The following CPQ variants were observed in gnomAD, a reference collection of about 807,000 sequenced individuals.
CPQ encodes carboxypeptidase Q, also known as Ser-Met dipeptidase.
CPQ carries 37 observed loss-of-function variants against 45.7 expected under a neutral mutation model. That is an observed-to-expected ratio of 0.81 (90% confidence interval 0.62 to 1.07). CPQ has a LOEUF of 1.07. Among genes scored for constraint, CPQ ranks in the 50% least tolerant of loss-of-function variants. The pLI is 0.00. For synonymous variants in CPQ, 186 were observed against 205.8 expected, an observed-to-expected ratio of 0.90 and a Z score of 0.82; for missense variants, 537 against 572.9, an observed-to-expected ratio of 0.94 and a Z score of 0.64.
chr8:96,891,272 A>G (rs1812371526), intron 4 of CPQ, among the ~76,000 whole-genome samples: 1 of 152,188 alleles, frequency 6.6e-6, no homozygotes, highest in African/African-American at 2.4e-5. Flanking sequence ...CCATATGTCT[A>G]TTCCGGTGCA....
intron 5 of CPQ, among the ~76,000 whole-genome samples, chr8:97,023,051 CTG>C (rs1299820362): frequency 1.3e-3 from 61 of 46,826 alleles, no homozygotes; most frequent in Admixed American, 2.2e-3. Flanking sequence ...AGTATATATA[CTG>C]TATATATAGA....
intron 7 of CPQ, among the ~76,000 whole-genome samples, chr8:97,121,192 G>A (rs949501355): frequency 6.6e-6 from 1 of 152,200 alleles, no homozygotes; most frequent in African/African-American, 2.4e-5. Flanking sequence ...CATAACATGT[G>A]TTCTACCTTC....
chr8:96,982,700 G>A (rs1460570915), intron 5 of CPQ, among the ~76,000 whole-genome samples: 1 of 152,106 alleles, frequency 6.6e-6, no homozygotes, highest in African/African-American at 2.4e-5. Context: ...CAGATTTTAG[G>A]ATGAACTAAT....
chr8:97,090,765 C>T (rs1292790671), intron 7 of CPQ, among the ~76,000 whole-genome samples: 1 of 152,166 alleles, frequency 6.6e-6, no homozygotes, highest in Non-Finnish European at 1.5e-5. Context: ...GCAGCAGGAG[C>T]TGAGTGGGGG....
At chr8:96,657,215 T>C (rs1021828010) in intron 1 of CPQ, among the ~76,000 whole-genome samples, 7 of 152,162 alleles carry the variant, frequency 4.6e-5, no homozygotes, top group Admixed American at 2.6e-4. Context: ...CGTGGTGGTG[T>C]GCGTCTGTAA....
chr8:96,748,744 A>C (rs1810222352), intron 1 of CPQ, among the ~76,000 whole-genome samples: 1 of 152,250 alleles, frequency 6.6e-6, no homozygotes, highest in Non-Finnish European at 1.5e-5. Flanking sequence ...TTTAAAAACA[A>C]AATTTCAACA....
intron 1 of CPQ, among the ~76,000 whole-genome samples, chr8:96,669,329 T>C (rs1291595495): frequency 6.6e-6 from 1 of 152,176 alleles, no homozygotes; most frequent in African/African-American, 2.4e-5. Context: ...GGATACCACA[T>C]GGAGGATCTA....
intron 4 of CPQ, among the ~76,000 whole-genome samples, chr8:96,955,685 A>G (rs1290387255): frequency 6.6e-6 from 1 of 152,178 alleles, no homozygotes; most frequent in African/African-American, 2.4e-5. Flanking sequence ...GAAATAGACC[A>G]ATGGAACAGA....
intron 4 of CPQ, among the ~76,000 whole-genome samples, chr8:96,897,759 A>G (rs887506934): frequency 6.6e-6 from 1 of 152,182 alleles, no homozygotes; most frequent in Non-Finnish European, 1.5e-5. Context: ...CAAGCATTTC[A>G]GACAAGGAAT....
At chr8:96,907,177 A>T (rs1347995485) in intron 4 of CPQ, among the ~76,000 whole-genome samples, 1 of 152,218 alleles carries the variant, frequency 6.6e-6, no homozygotes, top group East Asian at 1.9e-4. Context: ...AAGTTTATTT[A>T]CTGCTCATGT....
At chr8:97,048,635 A>G (rs1034182933) in intron 6 of CPQ, among the ~76,000 whole-genome samples, 2 of 152,222 alleles carry the variant, frequency 1.3e-5, no homozygotes, top group Admixed American at 6.5e-5. Flanking sequence ...TGCACCTGCC[A>G]GAATGGATTG....
chr8:96,944,552 G>A (rs1813164558), intron 4 of CPQ, among the ~76,000 whole-genome samples: 1 of 152,124 alleles, frequency 6.6e-6, no homozygotes, highest in Admixed American at 6.6e-5. Flanking sequence ...TGTTCTGGAG[G>A]TGTGGAGTTT....
At chr8:97,004,266 TAATTTGTAAAAA>T (rs1445576613) in intron 5 of CPQ, among the ~76,000 whole-genome samples, 1 of 147,356 alleles carries the variant, frequency 6.8e-6, no homozygotes, top group Non-Finnish European at 1.5e-5. Context: ...CCAAAATAAA[TAATTTGTAAAAA>T]AAAAAAAAAG....
At chr8:97,061,336 T>C (rs763733224) in intron 6 of CPQ, among the ~76,000 whole-genome samples, 3 of 152,206 alleles carry the variant, frequency 2.0e-5, no homozygotes, top group Non-Finnish European at 4.4e-5. Flanking sequence ...TGTCCAAGTA[T>C]ACCTTGTGTT....
At chr8:97,009,754 G>T (rs1242278958) in intron 5 of CPQ, among the ~76,000 whole-genome samples, 3 of 152,140 alleles carry the variant, frequency 2.0e-5, no homozygotes, top group Non-Finnish European at 2.9e-5. Flanking sequence ...AGGGAGTAAC[G>T]AGTGGTAAGT....
At chr8:96,898,801 G>T (rs1041214694) in intron 4 of CPQ, among the ~76,000 whole-genome samples, 1 of 143,844 alleles carries the variant, frequency 7.0e-6, no homozygotes, top group African/African-American at 2.6e-5. Flanking sequence ...AAAGTCAATA[G>T]TACTGCAGAA....
At chr8:97,136,814 G>T (rs1812067541) in intron 7 of CPQ, among the ~76,000 whole-genome samples, 1 of 152,160 alleles carries the variant, frequency 6.6e-6, no homozygotes, top group South Asian at 2.1e-4. Context: ...TGCATTTTAT[G>T]ACTCCCTCTT....
At chr8:96,856,125 T>C (rs1276211162) in intron 3 of CPQ, among the ~76,000 whole-genome samples, 1 of 152,236 alleles carries the variant, frequency 6.6e-6, no homozygotes, top group Non-Finnish European at 1.5e-5. Flanking sequence ...AGCTTGCATT[T>C]TATCCTGATT....
intron 1 of CPQ, among the ~76,000 whole-genome samples, chr8:96,743,092 C>G (rs946172232): frequency 5.9e-5 from 9 of 152,286 alleles, no homozygotes; most frequent in East Asian, 1.9e-4. Context: ...GTTCCATTCT[C>G]CCGGTCACTT....
Sources: allele counts gnomAD v4.1 joint callset (sites outside exome capture counted in the v4.1 genomes callset), GRCh38; gene constraint gnomAD v4.1.1; transcripts MANE v1.5; gene names NCBI Gene and HGNC (gene_info 2026-07-23, HGNC 2026-07-21).